The following TM2D2 variants were observed in gnomAD, a reference collection of about 807,000 sequenced individuals.
TM2D2 encodes TM2 domain-containing protein 2.
Under a neutral mutation model 23.0 loss-of-function variants are expected in TM2D2, and 19 were observed. The ratio of observed to expected loss-of-function variants is 0.82; its 90% CI spans 0.58 to 1.21. TM2D2 has a LOEUF of 1.21. TM2D2 is among the 50% of genes most tolerant of loss of function. The pLI, the probability that TM2D2 is intolerant of heterozygous loss-of-function variation, is 0.00. For missense variants in TM2D2, 246 were observed against 265.4 expected, an observed-to-expected ratio of 0.93 and a Z score of 0.51; for synonymous variants, 120 against 108.8, an observed-to-expected ratio of 1.10 and a Z score of -0.64.
chr8:38,995,229 T>A, intron 2 of TM2D2, 89 bp downstream of exon 2: 1 of 982,212 alleles, frequency 1.0e-6, no homozygotes, highest in Non-Finnish European at 1.5e-6. Flanking sequence ...TCAAAAAACT[T>A]TGTACCTCTT....
At chr8:38,994,939 T>A (rs968933763) in intron 2 of TM2D2, among the ~76,000 whole-genome samples, 2 of 152,326 alleles carry the variant, frequency 1.3e-5, no homozygotes, top group South Asian at 4.1e-4. Context: ...CCCAAATGCA[T>A]GTGTAACAAA....
At chr8:38,996,189 C>T (rs769456906) in intron 1 of TM2D2, 24 bp downstream of exon 1, 2 of 1,603,104 alleles carry the variant, frequency 1.2e-6, no homozygotes, top group Non-Finnish European at 1.7e-6. Context: ...CCACGTCCAC[C>T]CGCCTCGACC....
upstream of TM2D2, chr8:38,996,985 C>T (rs1312942388): frequency 4.5e-6 from 7 of 1,543,914 alleles, no homozygotes; most frequent in Admixed American, 7.7e-5. Context: ...ACTTGGGGCC[C>T]CGGCAGGGTT....
chr8:38,994,173 CT>C (rs1023359892), intron 2 of TM2D2: 8 of 152,088 alleles, frequency 5.3e-5, no homozygotes, highest in Non-Finnish European at 1.2e-4. Flanking sequence ...TGACTCAGGA[CT>C]TTATTTAGGT....
At position 38,990,216 on chromosome 8, in the gene TM2D2, A is replaced by G. The variant is rs760855440; in HGVS notation, c.*1116T>C. The G allele has an allele frequency of 2.6e-5, 4 of 152,228 alleles. No homozygotes were observed. Among genetic ancestry groups the G allele is most frequent in the Non-Finnish European group, 5.9e-5 (4 of 68,044 alleles). The allele number at this position is 152,228 out of a possible 1,614,324, so 9.4% of individuals were successfully genotyped here. A position where few individuals can be genotyped will look rare whatever the true frequency, so the allele number is the denominator to read the frequency against. ...ATCCAGGGAAGTTATTTCAACTGTG[A>G]TATTTGGTCTTAAATTCAATTATTA... is the stretch of plus-strand genomic sequence containing the variant. On this transcript the variant is annotated 3_prime_UTR_variant, in exon 4 of 4. Coordinates refer to ENST00000456397, the MANE Select transcript of TM2D2 (RefSeq NM_078473.3).
chr8:38,993,442 T>A (rs1394318616), intron 3 of TM2D2, 103 bp downstream of exon 3: 2 of 780,400 alleles, frequency 2.6e-6, no homozygotes, highest in Non-Finnish European at 3.9e-6. Flanking sequence ...GGTAACAGAG[T>A]GAGACCCTGT....
upstream of TM2D2, chr8:38,996,708 G>T (rs1835816070): frequency 1.4e-6 from 2 of 1,421,392 alleles, no homozygotes; most frequent in Non-Finnish European, 1.8e-6. Flanking sequence ...CGCCGAATGC[G>T]TTCTCCAATC....
intron 3 of TM2D2, among the ~76,000 whole-genome samples, chr8:38,993,192 C>T (rs1030751732): frequency 1.3e-5 from 2 of 152,186 alleles, no homozygotes; most frequent in African/African-American, 4.8e-5. Context: ...ACCTTCCGGG[C>T]TTAAGTCCAG....
At position 38,991,096 on chromosome 8, in the gene TM2D2, T is replaced by C. The variant is rs1835585413; in HGVS notation, c.*236A>G. 5 of 566,256 alleles carry C rather than the reference T, an allele frequency of 8.8e-6. No homozygotes were observed. Among genetic ancestry groups the C allele is most frequent in the Non-Finnish European group, 1.6e-5 (5 of 318,190 alleles). The allele number at this position is 566,256 out of a possible 1,614,324, so 35.1% of individuals were successfully genotyped here. A position where few individuals can be genotyped will look rare whatever the true frequency, so the allele number is the denominator to read the frequency against. On this transcript the variant is annotated 3_prime_UTR_variant, in exon 4 of 4. Coordinates refer to ENST00000456397, the MANE Select transcript of TM2D2 (RefSeq NM_078473.3). Reference sequence around the variant, plus strand: ...GCCACTATCCTTTATGTTTTGTGCATGAGGAAAGGAACAAATTTGATTCCC... The same window carrying C: ...GCCACTATCCTTTATGTTTTGTGCACGAGGAAAGGAACAAATTTGATTCCC...
At chr8:38,991,597 C>G (rs754747167) in intron 3 of TM2D2, 52 bp from the exon 4 acceptor site, 4 of 1,373,766 alleles carry the variant, frequency 2.9e-6, no homozygotes, top group Non-Finnish European at 3.1e-6. Context: ...AAATTTAAAC[C>G]CTTAAGGATT....
chr8:38,994,375 G>T (rs928922487), intron 2 of TM2D2, among the ~76,000 whole-genome samples: 8 of 152,158 alleles, frequency 5.3e-5, no homozygotes, highest in African/African-American at 1.9e-4. Context: ...AAAGGGAAGG[G>T]ACTGGGAAAT....
intron 3 of TM2D2, among the ~76,000 whole-genome samples, 161 bp downstream of exon 3, chr8:38,993,384 A>T (rs1232303158): frequency 6.6e-6 from 1 of 152,204 alleles, no homozygotes; most frequent in African/African-American, 2.4e-5. Context: ...TCAGCTCAGG[A>T]GGTCCAGGCT....
In TM2D2 at chr8:38,993,646, G is replaced by A; in HGVS notation, c.330C>T (p.Ala110=). The change falls in exon 3 of 4, where the codon GCC becomes GCT. Residue 110 remains alanine (A), a synonymous_variant. Coordinates refer to ENST00000456397, the MANE Select transcript of TM2D2 (RefSeq NM_078473.3). Reference sequence around the variant, plus strand: ...CTGAAGTGTGTTCCACGTCGCTGTAGGCCTGACCGCCGAACTGTGGAATAA... The same window carrying A: ...CTGAAGTGTGTTCCACGTCGCTGTAAGCCTGACCGCCGAACTGTGGAATAA... ...GYGCLKFGGQ[A]YSDVEHTSVQ... 1 of 1,613,420 alleles carries A rather than the reference G, an allele frequency of 6.2e-7. No individual in the cohort carries two copies. The highest frequency in any genetic ancestry group is 8.5e-7 in the Non-Finnish European group (1 of 1,179,528).
At position 38,990,245 on chromosome 8, in the gene TM2D2, G is replaced by C. The variant is rs1162918627; in HGVS notation, c.*1087C>G. ...TTGGTCTTAAATTCAATTATTATTA[G>C]GTAAACTGAGTGAGTTCTACCTTGT... On this transcript the variant is annotated 3_prime_UTR_variant, in exon 4 of 4. Coordinates refer to ENST00000456397, the MANE Select transcript of TM2D2 (RefSeq NM_078473.3). The C allele has an allele frequency of 6.6e-6, 1 of 152,188 alleles. No individual in the cohort carries two copies. The highest frequency in any genetic ancestry group is 1.5e-5 in the Non-Finnish European group (1 of 68,028). The allele number at this position is 152,188 out of a possible 1,614,324, so 9.4% of individuals were successfully genotyped here. A position where few individuals can be genotyped will look rare whatever the true frequency, so the allele number is the denominator to read the frequency against.
Position 38,995,626 on chromosome 8 carries a change from GGTCCT to G in TM2D2, c.228-226_228-222del, listed in dbSNP as rs959856643. 3 of 1,434,072 alleles carry G rather than the reference GGTCCT, an allele frequency of 2.1e-6. No individual in the cohort carries two copies. In the African/African-American group the frequency reaches 4.5e-5, roughly 21 times the overall value. 88.8% of individuals were successfully genotyped at this position (1,434,072 alleles called of 1,614,324 possible). ...TTTGTTGGAGAAGGGAGGTGTTTCTGGTCCTGTTTCTATAAGGATTCTACTTCTGC... is the reference window on the plus strand; with the variant it reads ...TTTGTTGGAGAAGGGAGGTGTTTCTGGTTTCTATAAGGATTCTACTTCTGC... On this transcript the variant is annotated intron_variant, in intron 1 of 3. Transcript: ENST00000456397.
In TM2D2 at chr8:38,988,892, CTG is replaced by C. The variant is rs1156855361; in HGVS notation, c.*2438_*2439del. The C allele has an allele frequency of 6.6e-6, 1 of 152,170 alleles. No homozygotes were observed. The highest frequency in any genetic ancestry group is 2.4e-5 in the African/African-American group (1 of 41,448). 9.4% of individuals were successfully genotyped at this position (152,170 alleles called of 1,614,324 possible). ...CTAATTTAACCTTGAGGGAAGGACA[CTG>C]TAGTATTTTAAACCTTCTCTATAGC... is the stretch of plus-strand genomic sequence containing the variant. On this transcript the variant is annotated 3_prime_UTR_variant, in exon 4 of 4. Coordinates refer to ENST00000456397, the MANE Select transcript of TM2D2 (RefSeq NM_078473.3).
intron 1 of TM2D2, 131 bp downstream of exon 1, chr8:38,996,082 T>C (rs2129429719): frequency 9.1e-7 from 1 of 1,102,102 alleles, no homozygotes; most frequent in East Asian, 2.6e-5. Context: ...TCATGATATT[T>C]GCCTCCGGAA....
rs771605759 is a variant in TM2D2 at position 38,993,503 on chromosome 8, C to A, written c.431+42G>T. On this transcript the variant is annotated intron_variant, in intron 3 of 3. Transcript: ENST00000456397. ...AAAAAGACAAGGAAAATGGCTCTAC[C>A]TCCAACCAAGTACCAACTACTCCAA... 3 of 1,459,344 alleles carry A rather than the reference C, an allele frequency of 2.1e-6. No individual in the cohort carries two copies. In the Admixed American group the frequency reaches 5.3e-5, roughly 26 times the overall value. 90.4% of individuals were successfully genotyped at this position (1,459,344 alleles called of 1,614,324 possible).
rs1835548546 is a variant in TM2D2 at position 38,989,709 on chromosome 8, T to C, written c.*1623A>G. The C allele has an allele frequency of 6.6e-6, 1 of 152,200 alleles. No individual in the cohort carries two copies. The highest frequency in any genetic ancestry group is 2.1e-4 in the South Asian group (1 of 4,830). The allele number at this position is 152,200 out of a possible 1,614,324, so 9.4% of individuals were successfully genotyped here. On this transcript the variant is annotated 3_prime_UTR_variant, in exon 4 of 4. Transcript: ENST00000456397. ...AAGTGTGAAATGAGGCAGGACTTGG[T>C]TAGGTGAAAAGTAGCATCTTATTTT...
Sources: allele counts gnomAD v4.1 joint callset (sites outside exome capture counted in the v4.1 genomes callset), GRCh38; gene constraint gnomAD v4.1.1; transcripts MANE v1.5; gene names NCBI Gene and HGNC (gene_info 2026-07-23, HGNC 2026-07-21).